EFNA5: variants seen among roughly 807,000 people sequenced by gnomAD.
The protein encoded by EFNA5 is ephrin-A5.
EFNA5 carries 5 observed loss-of-function variants against 22.9 expected under a neutral mutation model. That is an observed-to-expected ratio of 0.22 (90% CI 0.11 to 0.46). EFNA5 has a LOEUF of 0.46. EFNA5 is among the 20% of genes least tolerant of loss of function. EFNA5 has a pLI of 0.99. For synonymous variants in EFNA5, 113 were observed against 112.2 expected (o/e 1.01, Z -0.04); for missense variants, 237 against 293.3 (o/e 0.81, Z 1.40).
intron 1 of EFNA5, among the ~76,000 whole-genome samples, chr5:107,454,060 C>T (rs1446091360): frequency 6.6e-6 from 1 of 152,074 alleles, no homozygotes; most frequent in Non-Finnish European, 1.5e-5. Flanking sequence ...TGAACAAAAG[C>T]CAATAATTCC....
At chr5:107,578,009 T>A (rs773186012) in intron 1 of EFNA5, among the ~76,000 whole-genome samples, 1 of 152,164 alleles carries the variant, frequency 6.6e-6, no homozygotes, top group East Asian at 1.9e-4. Context: ...TTATAAAAGA[T>A]TTCTCTCGAA....
intron 1 of EFNA5, among the ~76,000 whole-genome samples, chr5:107,642,052 C>T (rs1554070963): frequency 1.3e-5 from 2 of 152,322 alleles, no homozygotes; most frequent in South Asian, 4.1e-4. Flanking sequence ...CTGGCCCAAA[C>T]AGATGGCATT....
In EFNA5 at chr5:107,608,250, G is replaced by T. The variant is rs539756411; in HGVS notation, c.125+62239C>A. Among the ~76,000 whole-genome samples the T allele has an allele frequency of 1.6e-4, 24 of 152,252 alleles. 1 individual carries two copies. The Middle Eastern group carries it at 0.017, about 108-fold the overall frequency. ...TGCTGCTCAGAATGCTTGCTTTTCA[G>T]TTCAGTCCCCAAATGGCTCCGCCAT... On this transcript the variant is annotated intron_variant, in intron 1 of 4. Coordinates refer to ENST00000333274, the MANE Select transcript of EFNA5 (RefSeq NM_001962.3).
intron 1 of EFNA5, among the ~76,000 whole-genome samples, chr5:107,588,563 A>C (rs1749244423): frequency 6.6e-6 from 1 of 152,244 alleles, no homozygotes; most frequent in Admixed American, 6.5e-5. Context: ...ACGTGCATAC[A>C]CTTTAAAATG....
intron 1 of EFNA5, among the ~76,000 whole-genome samples, chr5:107,434,149 G>A (rs1336884456): frequency 6.6e-6 from 1 of 152,152 alleles, no homozygotes; most frequent in Non-Finnish European, 1.5e-5. Context: ...TCAAACTTGG[G>A]TGGCTGAAAA....
chr5:107,588,442 T>C (rs938623973), intron 1 of EFNA5, among the ~76,000 whole-genome samples: 12 of 152,288 alleles, frequency 7.9e-5, no homozygotes, highest in African/African-American at 2.6e-4. Flanking sequence ...TGCCTTGAAA[T>C]TGGCTGATTC....
chr5:107,421,791 T>C (rs1488554779), intron 2 of EFNA5, among the ~76,000 whole-genome samples: 3 of 141,136 alleles, frequency 2.1e-5, no homozygotes, highest in Non-Finnish European at 3.1e-5. Flanking sequence ...CTCATTTCTT[T>C]CTTTCTTTTT....
chr5:107,499,260 C>A (rs1747077013), intron 1 of EFNA5, among the ~76,000 whole-genome samples: 1 of 152,122 alleles, frequency 6.6e-6, no homozygotes. Flanking sequence ...TAAACCTGCC[C>A]TGATATGGGC....
chr5:107,498,476 C>A (rs1337710882), intron 1 of EFNA5, among the ~76,000 whole-genome samples: 1 of 152,206 alleles, frequency 6.6e-6, no homozygotes, highest in Non-Finnish European at 1.5e-5. Flanking sequence ...TCCCCTGGAG[C>A]TTCCCTGGAC....
At chr5:107,441,820 G>A (rs1346865769) in intron 1 of EFNA5, among the ~76,000 whole-genome samples, 2 of 152,054 alleles carry the variant, frequency 1.3e-5, no homozygotes, top group Non-Finnish European at 2.9e-5. Flanking sequence ...TTGACAATTA[G>A]GACATTTAAA....
rs1747368964 is a variant in EFNA5, at chr5:107,379,364, T to TC, written c.*1890dup. On this transcript the variant is annotated 3_prime_UTR_variant, in exon 5 of 5. Transcript: ENST00000333274. ...GAACTACTCACAATTCTAAGCAAAT[T>TC]CCCATTCACGAAGTCTGTCCATAAT... 1 of 152,114 alleles carries TC rather than the reference T, an allele frequency of 6.6e-6. No individual in the cohort carries two copies. Among genetic ancestry groups the TC allele is most frequent in the Admixed American group, 6.5e-5 (1 of 15,268 alleles). 9.4% of individuals were successfully genotyped at this position (152,114 alleles called of 1,614,324 possible).
chr5:107,651,929 C>A (rs1192872018), intron 1 of EFNA5, among the ~76,000 whole-genome samples: 1 of 151,954 alleles, frequency 6.6e-6, no homozygotes, highest in Non-Finnish European at 1.5e-5. Context: ...ATATTAAGAC[C>A]CTGTTAATCC....
At chr5:107,538,282 T>C (rs778178500) in intron 1 of EFNA5, among the ~76,000 whole-genome samples, 8 of 152,228 alleles carry the variant, frequency 5.3e-5, no homozygotes, top group Non-Finnish European at 1.2e-4. Flanking sequence ...CCAAATTCAT[T>C]TTCTTATAGG....
chr5:107,531,638 G>A (rs1381236062), intron 1 of EFNA5, among the ~76,000 whole-genome samples: 1 of 152,130 alleles, frequency 6.6e-6, no homozygotes, highest in Non-Finnish European at 1.5e-5. Context: ...GCTGACCTCT[G>A]GGAATACACC....
At chr5:107,382,842 C>T (rs1251704756) in intron 4 of EFNA5, among the ~76,000 whole-genome samples, 1 of 152,132 alleles carries the variant, frequency 6.6e-6, no homozygotes, top group Non-Finnish European at 1.5e-5. Flanking sequence ...AGTGGTTGTT[C>T]TCAATTATAC....
In EFNA5 at chr5:107,516,057, C is replaced by T. The variant is rs561233267; in HGVS notation, c.126-88548G>A. On this transcript the variant is annotated intron_variant, in intron 1 of 4. Transcript: ENST00000333274. ...TCTCACACTGTCGCCCACGCTGAAG[C>T]GCAGTGGTATAATCATGGCTCACTG... 7.8e-4 allele frequency among the ~76,000 whole-genome samples: 119 copies of T among 152,134 alleles called. 1 individual carries two copies. Among genetic ancestry groups the T allele is most frequent in the African/African-American group, 2.7e-3 (110 of 41,496 alleles).
At chr5:107,435,851 T>C (rs891442373) in intron 1 of EFNA5, among the ~76,000 whole-genome samples, 1 of 152,224 alleles carries the variant, frequency 6.6e-6, no homozygotes, top group African/African-American at 2.4e-5. Context: ...TGCACGTGCA[T>C]GTTTTGATAA....
intron 1 of EFNA5, among the ~76,000 whole-genome samples, chr5:107,574,574 A>G (rs1342012651): frequency 6.6e-6 from 1 of 152,218 alleles, no homozygotes; most frequent in Non-Finnish European, 1.5e-5. Flanking sequence ...TGGAAAAACT[A>G]TAAAGGCCAA....
chr5:107,508,327 C>T (rs72789646), intron 1 of EFNA5, among the ~76,000 whole-genome samples: 81 of 152,304 alleles, frequency 5.3e-4, no homozygotes, highest in Non-Finnish European at 9.4e-4. Flanking sequence ...CACCGTAGGT[C>T]CTCACGTGTG....
Sources: gnomAD v4.1 joint callset for allele counts (sites outside exome capture counted in the v4.1 genomes callset) on GRCh38, gnomAD v4.1.1 for gene constraint, MANE v1.5 for transcripts, NCBI Gene and HGNC (gene_info 2026-07-23, HGNC 2026-07-21) for gene names.